The following TMPRSS11F variants were observed in gnomAD, a reference collection of about 807,000 sequenced individuals.
TMPRSS11F encodes transmembrane serine protease 11F, also known as transmembrane protease serine 11F.
A neutral mutation model predicts 60.2 loss-of-function variants in TMPRSS11F; 47 were observed. The ratio of observed to expected loss-of-function variants is 0.78; its 90% CI spans 0.62 to 1.00. The LOEUF (loss-of-function observed/expected upper bound fraction) is 1.00, where lower values mean the gene tolerates loss of function less well. Among genes scored for constraint, TMPRSS11F ranks in the 50% least tolerant of loss-of-function variants. The pLI, the probability that TMPRSS11F is intolerant of heterozygous loss-of-function variation, is 0.00. For missense variants in TMPRSS11F, 519 were observed against 522.9 expected (o/e 0.99, Z 0.07); for synonymous variants, 166 against 167.3 (o/e 0.99, Z 0.06).
At chr4:68,067,353 C>T (rs1723351499) in intron 7 of TMPRSS11F, among the ~76,000 whole-genome samples, 1 of 152,220 alleles carries the variant, frequency 6.6e-6, no homozygotes, top group Admixed American at 6.5e-5. Context: ...TCTACTTCAT[C>T]AAGCTCAATG....
In TMPRSS11F at chr4:68,064,784, A is replaced by G; in HGVS notation, c.916T>C (p.Ser306Pro). ...AGGCAAACTCTCTGGACTATATTTGAAAACTCAACTCCAGTAGAGAGCTGA... is the reference window on the plus strand; with the variant it reads ...AGGCAAACTCTCTGGACTATATTTGGAAACTCAACTCCAGTAGAGAGCTGA... ...LVQLSTGVEFSNIVQRVCLPD... is the reference protein window; with the variant it reads ...LVQLSTGVEFPNIVQRVCLPD... Residue 306 changes from serine (S) to proline (P), a missense_variant, in exon 8 of 10, where the codon TCA becomes CCA. By Grantham distance (74) the Ser-to-Pro change is moderately conservative. Coordinates refer to ENST00000356291, the MANE Select transcript of TMPRSS11F (RefSeq NM_207407.2). The G allele has an allele frequency of 6.2e-7, 1 of 1,614,204 alleles. No homozygotes were observed. The highest frequency in any genetic ancestry group is 1.1e-5 in the South Asian group (1 of 91,084).
intron 2 of TMPRSS11F, among the ~76,000 whole-genome samples, chr4:68,090,949 T>A (rs1041393593): frequency 1.3e-5 from 2 of 152,136 alleles, no homozygotes; most frequent in Non-Finnish European, 2.9e-5. Context: ...TTGCTGAAAG[T>A]CATGTAAATG....
chr4:68,059,970 G>A (rs1723123913), intron 8 of TMPRSS11F, among the ~76,000 whole-genome samples: 1 of 152,130 alleles, frequency 6.6e-6, no homozygotes, highest in Non-Finnish European at 1.5e-5. Flanking sequence ...TGCCCAATAT[G>A]TGCTAGTGAT....
At chr4:68,125,403 A>C (rs533575685) in intron 1 of TMPRSS11F, among the ~76,000 whole-genome samples, 3 of 152,260 alleles carry the variant, frequency 2.0e-5, no homozygotes, top group Admixed American at 2.0e-4. Flanking sequence ...AATAATGGCC[A>C]ACTACAGAAA....
intron 2 of TMPRSS11F, among the ~76,000 whole-genome samples, chr4:68,096,120 TA>T (rs573458614): frequency 0.038 from 5,494 of 145,428 alleles, 280 homozygotes; most frequent in African/African-American, 0.11. Context: ...GTCAATAATT[TA>T]AAAAAAAAAC....
chr4:68,129,748 C>T (rs889971611), intron 1 of TMPRSS11F, 62 bp downstream of exon 1: 19 of 1,531,230 alleles, frequency 1.2e-5, no homozygotes, highest in Admixed American at 1.7e-5. Context: ...TACTACCTGT[C>T]TCAGGAATTG....
Position 68,125,367 on chromosome 4 carries a change from T to A in TMPRSS11F, c.11+4443A>T, listed in dbSNP as rs143124646. Among the ~76,000 whole-genome samples the A allele has an allele frequency of 4.5e-4, 68 of 151,948 alleles. No homozygotes were observed. In the East Asian group the frequency reaches 0.012, roughly 27 times the overall value. On this transcript the variant is annotated intron_variant, in intron 1 of 9. Coordinates refer to ENST00000356291, the MANE Select transcript of TMPRSS11F (RefSeq NM_207407.2). ...AATTTTCTAAATTTTGCAAAAAAAA[T>A]AAAGACAAGTTAATAATACATTTTA...
At chr4:68,069,445 T>G (rs1303497951) in intron 6 of TMPRSS11F, among the ~76,000 whole-genome samples, 1 of 152,188 alleles carries the variant, frequency 6.6e-6, no homozygotes, top group African/African-American at 2.4e-5. Context: ...TTTCAAACCC[T>G]CAATTGACTA....
chr4:68,098,503 A>G (rs770811440), intron 2 of TMPRSS11F, among the ~76,000 whole-genome samples: 2 of 152,126 alleles, frequency 1.3e-5, no homozygotes, highest in Non-Finnish European at 2.9e-5. Flanking sequence ...TAGCCCTTTA[A>G]AGGTATTTTT....
Position 68,115,711 on chromosome 4 carries a change from A to G in TMPRSS11F, c.11+14099T>C, listed in dbSNP as rs149691434. Among the ~76,000 whole-genome samples, 68 of 152,344 alleles carry G rather than the reference A, an allele frequency of 4.5e-4. 2 individuals carry two copies. The East Asian group carries it at 0.012, about 27-fold the overall frequency. Reference sequence around the variant, plus strand: ...CATACATAAAAATCAAACTATTTCCATATACAAGCATTTAACAAATAGGTA... The same window carrying G: ...CATACATAAAAATCAAACTATTTCCGTATACAAGCATTTAACAAATAGGTA... On this transcript the variant is annotated intron_variant, in intron 1 of 9. Transcript: ENST00000356291.
At chr4:68,068,859 G>C in intron 6 of TMPRSS11F, 40 bp from the exon 7 acceptor site, 1 of 1,598,720 alleles carries the variant, frequency 6.3e-7, no homozygotes, top group Non-Finnish European at 8.6e-7. Flanking sequence ...TCATAAAAAG[G>C]AGGAAAAAAG....
At chr4:68,100,880 C>T (rs1577929459) in intron 1 of TMPRSS11F, among the ~76,000 whole-genome samples, 1 of 152,184 alleles carries the variant, frequency 6.6e-6, no homozygotes, top group East Asian at 1.9e-4. Context: ...AACACCATTC[C>T]TCTCACCCAT....
chr4:68,100,183 T>C (rs984991649), intron 1 of TMPRSS11F, among the ~76,000 whole-genome samples: 1 of 152,080 alleles, frequency 6.6e-6, no homozygotes, highest in Admixed American at 6.6e-5. Context: ...ATTGTCTCAA[T>C]ATATGTTCAA....
chr4:68,060,546 T>C (rs1275227436), intron 8 of TMPRSS11F, among the ~76,000 whole-genome samples: 2 of 62,194 alleles, frequency 3.2e-5, no homozygotes, highest in Non-Finnish European at 9.1e-5. Flanking sequence ...AAAAAAGATA[T>C]ATTAACACTA....
rs963569804 is a variant in TMPRSS11F at position 68,073,877 on chromosome 4, AT to A, written c.350+64del. 6.8e-6 allele frequency: 7 copies of A among 1,025,386 alleles called. No individual in the cohort carries two copies. In the Admixed American group the frequency reaches 1.4e-4, roughly 20 times the overall value. 63.5% of individuals were successfully genotyped at this position (1,025,386 alleles called of 1,614,324 possible). A position where few individuals can be genotyped will look rare whatever the true frequency, so the allele number is the denominator to read the frequency against. On this transcript the variant is annotated intron_variant, in intron 4 of 9. Coordinates refer to ENST00000356291, the MANE Select transcript of TMPRSS11F (RefSeq NM_207407.2). ...AAGACTTGCTCAGGGCAGCTAAGCA[AT>A]TAGGTTCATCAAATACCTCATCTTA...
intron 1 of TMPRSS11F, among the ~76,000 whole-genome samples, chr4:68,104,912 T>A (rs1008713089): frequency 1.3e-5 from 2 of 151,908 alleles, no homozygotes; most frequent in African/African-American, 2.4e-5. Flanking sequence ...CAGTATATTT[T>A]ATTGAGCATT....
intron 2 of TMPRSS11F, among the ~76,000 whole-genome samples, chr4:68,091,197 G>A (rs1263988603): frequency 6.6e-6 from 1 of 151,968 alleles, no homozygotes; most frequent in Non-Finnish European, 1.5e-5. Context: ...TGTCTTTCAT[G>A]GTTTTGTTTG....
At chr4:68,084,131 T>TCA (rs1287839075) in intron 3 of TMPRSS11F, among the ~76,000 whole-genome samples, 1 of 151,916 alleles carries the variant, frequency 6.6e-6, no homozygotes, top group African/African-American at 2.4e-5. Context: ...AAAAGAAATT[T>TCA]TAAAAAAGAA....
chr4:68,117,991 T>C (rs1216196208), intron 1 of TMPRSS11F, among the ~76,000 whole-genome samples: 6 of 152,202 alleles, frequency 3.9e-5, no homozygotes, highest in African/African-American at 1.4e-4. Flanking sequence ...TCTCTGAATA[T>C]TGTTGTGTCC....
Sources: allele counts gnomAD v4.1 joint callset (sites outside exome capture counted in the v4.1 genomes callset), GRCh38; gene constraint gnomAD v4.1.1; transcripts MANE v1.5; gene names NCBI Gene and HGNC (gene_info 2026-07-23, HGNC 2026-07-21).